Variants in MAPKAPK2 observed in about 807,000 individuals in gnomAD.
MAPKAPK2 encodes MAP kinase-activated protein kinase 2.
In MAPKAPK2, 9 loss-of-function variants were observed where a neutral mutation model predicts 48.8. That is an observed-to-expected ratio of 0.18 (90% CI 0.11 to 0.32). The LOEUF is 0.32. Among genes scored for constraint, MAPKAPK2 ranks in the 10% least tolerant of loss-of-function variants. MAPKAPK2 has a pLI of 1.00. For synonymous variants in MAPKAPK2, 202 were observed against 190.6 expected, an observed-to-expected ratio of 1.06 and a Z score of -0.49; for missense variants, 331 against 498.3, an observed-to-expected ratio of 0.66 and a Z score of 3.20.
intron 1 of MAPKAPK2, among the ~76,000 whole-genome samples, chr1:206,706,852 A>G (rs1672975285): frequency 6.6e-6 from 1 of 151,926 alleles, no homozygotes; most frequent in South Asian, 2.1e-4. Flanking sequence ...CCTCGGGGCT[A>G]GAAGGCAGGG....
chr1:206,701,227 C>G (rs1333933885), intron 1 of MAPKAPK2, among the ~76,000 whole-genome samples: 1 of 152,106 alleles, frequency 6.6e-6, no homozygotes, highest in African/African-American at 2.4e-5. Flanking sequence ...CTGTGGTACC[C>G]ACTGGCCATA....
At chr1:206,730,209 C>T (rs998445501) in intron 5 of MAPKAPK2, 111 bp downstream of exon 5, 249 of 1,325,398 alleles carry the variant, frequency 1.9e-4, no homozygotes, top group Admixed American at 2.7e-4. Context: ...TCTGTATGGC[C>T]CCTTCTGGTG....
intron 1 of MAPKAPK2, among the ~76,000 whole-genome samples, chr1:206,686,638 T>A (rs1236015258): frequency 4.6e-5 from 7 of 152,224 alleles, no homozygotes; most frequent in Admixed American, 2.6e-4. Context: ...TCTCTTCCCC[T>A]TCAGCCCCCA....
At chr1:206,721,935 C>T (rs1456619566) in intron 1 of MAPKAPK2, among the ~76,000 whole-genome samples, 1 of 152,122 alleles carries the variant, frequency 6.6e-6, no homozygotes, top group African/African-American at 2.4e-5. Flanking sequence ...CATGGTGGCA[C>T]ACGCCTGTAA....
rs145167953 is a variant in MAPKAPK2 at position 206,696,699 on chromosome 1, G to A, written c.279+11191G>A. 2.8e-3 allele frequency among the ~76,000 whole-genome samples: 431 copies of A among 152,218 alleles called. 2 individuals are homozygous for A. The highest frequency in any genetic ancestry group is 8.2e-3 in the African/African-American group (342 of 41,536). On this transcript the variant is annotated intron_variant, in intron 1 of 9. Transcript: ENST00000367103. ...AGCCTGGGTGACAGAGCGAGACCCC[G>A]TCTCTGAAAAAAGAATCCTAGAGTA...
chr1:206,696,253 C>A (rs1553427044), intron 1 of MAPKAPK2: 8 of 1,363,158 alleles, frequency 5.9e-6, no homozygotes, highest in Non-Finnish European at 7.4e-6. Context: ...CTTTTCCTTC[C>A]CCTTTCAAGG....
At chr1:206,702,680 G>A (rs1380960190) in intron 1 of MAPKAPK2, among the ~76,000 whole-genome samples, 1 of 152,228 alleles carries the variant, frequency 6.6e-6, no homozygotes, top group Non-Finnish European at 1.5e-5. Context: ...GAGACCTTCA[G>A]TAGCCTCCCT....
chr1:206,712,006 A>G (rs1227193302), intron 1 of MAPKAPK2, among the ~76,000 whole-genome samples: 1 of 152,174 alleles, frequency 6.6e-6, no homozygotes, highest in Non-Finnish European at 1.5e-5. Context: ...TTTGATGGAT[A>G]CTATCATAAA....
intron 1 of MAPKAPK2, among the ~76,000 whole-genome samples, chr1:206,715,743 C>T (rs1214012684): frequency 6.6e-6 from 1 of 151,352 alleles, no homozygotes; most frequent in African/African-American, 2.4e-5. Context: ...CTTCCTGCCT[C>T]AGCCTCCTGA....
chr1:206,727,073 G>C (rs1159338564), intron 1 of MAPKAPK2, among the ~76,000 whole-genome samples: 1 of 152,064 alleles, frequency 6.6e-6, no homozygotes, highest in East Asian at 1.9e-4. Context: ...GGACACCCCA[G>C]CCCTCTGAAT....
chr1:206,687,747 G>T (rs1553425779), intron 1 of MAPKAPK2, among the ~76,000 whole-genome samples: 1 of 152,198 alleles, frequency 6.6e-6, no homozygotes, highest in African/African-American at 2.4e-5. Flanking sequence ...TTCAAAACCA[G>T]AAGTCTAGTG....
intron 1 of MAPKAPK2, among the ~76,000 whole-genome samples, chr1:206,725,716 C>T (rs566193049): frequency 6.6e-6 from 1 of 152,268 alleles, no homozygotes; most frequent in Non-Finnish European, 1.5e-5. Flanking sequence ...AATCTGACAA[C>T]TTTGATTCTT....
At chr1:206,728,682 G>C (rs1673789572) in intron 1 of MAPKAPK2, 28 bp from the exon 2 acceptor site, 13 of 1,607,780 alleles carry the variant, frequency 8.1e-6, no homozygotes, top group Non-Finnish European at 1.1e-5. Flanking sequence ...TGACAGCGCA[G>C]TTACTCAGAA....
chr1:206,707,761 T>A (rs1308885861), intron 1 of MAPKAPK2, among the ~76,000 whole-genome samples: 1 of 152,224 alleles, frequency 6.6e-6, no homozygotes, highest in Non-Finnish European at 1.5e-5. Flanking sequence ...TAGCATTTGC[T>A]GTGGCTAAAC....
At chr1:206,702,452 G>A (rs986551758) in intron 1 of MAPKAPK2, among the ~76,000 whole-genome samples, 4 of 152,202 alleles carry the variant, frequency 2.6e-5, no homozygotes, top group Non-Finnish European at 5.9e-5. Flanking sequence ...AGAGCCAGAG[G>A]AAAGGTCTGA....
chr1:206,700,916 A>T (rs1672774266), intron 1 of MAPKAPK2, among the ~76,000 whole-genome samples: 1 of 152,178 alleles, frequency 6.6e-6, no homozygotes, highest in Non-Finnish European at 1.5e-5. Context: ...ACTGCCCAGG[A>T]TGGGATGACA....
At chr1:206,689,194 A>G (rs576835813) in intron 1 of MAPKAPK2, among the ~76,000 whole-genome samples, 2 of 152,334 alleles carry the variant, frequency 1.3e-5, no homozygotes, top group Admixed American at 1.3e-4. Context: ...CGTGGATTAG[A>G]GAAAACAAGG....
intron 1 of MAPKAPK2, among the ~76,000 whole-genome samples, chr1:206,721,088 G>A (rs1673503903): frequency 6.6e-6 from 1 of 152,184 alleles, no homozygotes; most frequent in African/African-American, 2.4e-5. Context: ...GAGGTGTTTG[G>A]GCCATGGGGG....
At chr1:206,723,592 C>T (rs991557780) in intron 1 of MAPKAPK2, among the ~76,000 whole-genome samples, 8 of 152,182 alleles carry the variant, frequency 5.3e-5, no homozygotes, top group Admixed American at 3.3e-4. Flanking sequence ...ACCTTGCTGA[C>T]GAGTGGCACA....
Sources: gnomAD v4.1 joint callset for allele counts (sites outside exome capture counted in the v4.1 genomes callset) on GRCh38, gnomAD v4.1.1 for gene constraint, MANE v1.5 for transcripts, NCBI Gene and HGNC (gene_info 2026-07-23, HGNC 2026-07-21) for gene names.